PRKG1: variants seen among roughly 807,000 people sequenced by gnomAD.
The protein encoded by PRKG1 is cGMP-dependent protein kinase 1.
PRKG1 carries 35 observed loss-of-function variants against 88.1 expected under a neutral mutation model. The ratio of observed to expected loss-of-function variants is 0.40; its 90% CI spans 0.30 to 0.53. PRKG1 has a LOEUF of 0.53. Among genes scored for constraint, PRKG1 ranks in the 20% least tolerant of loss-of-function variants. The pLI is 0.59. For synonymous variants in PRKG1, 303 were observed against 292.5 expected, an observed-to-expected ratio of 1.04 and a Z score of -0.37; for missense variants, 540 against 839.8, an observed-to-expected ratio of 0.64 and a Z score of 4.41.
chr10:51,870,065 A>G (rs904829241), intron 4 of PRKG1, among the ~76,000 whole-genome samples: 11 of 152,150 alleles, frequency 7.2e-5, no homozygotes, highest in Non-Finnish European at 1.2e-4. Context: ...ACTTCCCCCA[A>G]CAAACTATTT....
At chr10:50,999,780 A>G (rs953704130) in intron 1 of PRKG1, among the ~76,000 whole-genome samples, 1 of 152,206 alleles carries the variant, frequency 6.6e-6, no homozygotes, top group Non-Finnish European at 1.5e-5. Flanking sequence ...CATGTATCAC[A>G]TGGTCACCAA....
chr10:52,064,659 C>T (rs1383813062), intron 7 of PRKG1, among the ~76,000 whole-genome samples: 7 of 152,214 alleles, frequency 4.6e-5, no homozygotes, highest in Non-Finnish European at 7.3e-5. Context: ...TGCCTCCTCC[C>T]AGCCCCAGGA....
chr10:51,682,534 T>G (rs952873568), intron 3 of PRKG1, among the ~76,000 whole-genome samples: 4 of 152,216 alleles, frequency 2.6e-5, no homozygotes, highest in Non-Finnish European at 5.9e-5. Context: ...TTCATGTGGC[T>G]CCTAGAGTTT....
At chr10:51,203,104 A>C (rs185811654) in intron 2 of PRKG1, among the ~76,000 whole-genome samples, 6 of 152,124 alleles carry the variant, frequency 3.9e-5, no homozygotes, top group Non-Finnish European at 7.4e-5. Flanking sequence ...GGAGAGAGAG[A>C]GAGAGAGAAC....
intron 3 of PRKG1, among the ~76,000 whole-genome samples, chr10:51,680,076 A>T (rs2132367442): frequency 6.6e-6 from 1 of 152,316 alleles, no homozygotes; most frequent in Admixed American, 6.5e-5. Context: ...CACAGGCCAC[A>T]CACGGGCCAC....
rs1418592959 is a variant in PRKG1, at chr10:52,171,663, AGAAT to A, written c.1076+9701_1076+9704del. 3.9e-4 allele frequency among the ~76,000 whole-genome samples: 60 copies of A among 152,242 alleles called. 1 individual carries two copies. In the East Asian group the frequency reaches 0.011, roughly 28 times the overall value. On this transcript the variant is annotated intron_variant, in intron 9 of 17. Coordinates refer to ENST00000373980, the MANE Select transcript of PRKG1 (RefSeq NM_006258.4). ...ACTTCAGCAGGATTTGTGACTGCAG[AGAAT>A]ATCAAAATCCAATGCTCTTTCAAGT...
chr10:51,715,034 A>G (rs562153438), intron 3 of PRKG1, among the ~76,000 whole-genome samples: 154 of 152,276 alleles, frequency 1.0e-3, no homozygotes, highest in South Asian at 1.9e-3. Flanking sequence ...ATGTGCATAT[A>G]TATATATGAG....
At chr10:51,601,757 T>C (rs1838612139) in intron 3 of PRKG1, among the ~76,000 whole-genome samples, 1 of 97,182 alleles carries the variant, frequency 1.0e-5, no homozygotes, top group African/African-American at 3.9e-5. Flanking sequence ...TTTTTTTTTT[T>C]TTTTTTTTTT....
chr10:51,400,472 C>G (rs956975327), intron 2 of PRKG1, among the ~76,000 whole-genome samples: 2 of 152,144 alleles, frequency 1.3e-5, no homozygotes, highest in Non-Finnish European at 2.9e-5. Flanking sequence ...TTCAAAGGCC[C>G]TGAAACAGGA....
chr10:51,208,161 A>G (rs1300569540), intron 2 of PRKG1, among the ~76,000 whole-genome samples: 1 of 152,232 alleles, frequency 6.6e-6, no homozygotes, highest in Non-Finnish European at 1.5e-5. Flanking sequence ...TAGAAGGTAC[A>G]GTCTTTGTCC....
chr10:52,259,410 G>A (rs1007063847), intron 10 of PRKG1, among the ~76,000 whole-genome samples: 2 of 151,964 alleles, frequency 1.3e-5, no homozygotes, highest in African/African-American at 4.8e-5. Context: ...TCTTAATTAT[G>A]TAGAAAATAG....
At chr10:51,621,195 A>T (rs1839203099) in intron 3 of PRKG1, among the ~76,000 whole-genome samples, 1 of 151,674 alleles carries the variant, frequency 6.6e-6, no homozygotes, top group South Asian at 2.1e-4. Context: ...CTTAAAGGGC[A>T]TTCAGCTATT....
At chr10:52,055,239 G>T (rs543466143) in intron 6 of PRKG1, among the ~76,000 whole-genome samples, 1 of 152,320 alleles carries the variant, frequency 6.6e-6, no homozygotes, top group East Asian at 1.9e-4. Flanking sequence ...AAATCAGATG[G>T]CCTAAATTTT....
intron 8 of PRKG1, among the ~76,000 whole-genome samples, chr10:52,160,752 C>A (rs1838255937): frequency 6.6e-6 from 1 of 152,036 alleles, no homozygotes. Context: ...TCACAACACA[C>A]AAACCATTTA....
chr10:51,793,088 T>C (rs1838911757), intron 3 of PRKG1, among the ~76,000 whole-genome samples: 1 of 129,664 alleles, frequency 7.7e-6, no homozygotes, highest in Non-Finnish European at 1.6e-5. Flanking sequence ...ATGTAAGAAC[T>C]GCCCAACAAA....
chr10:50,995,048 C>A (rs1278537756), intron 1 of PRKG1, among the ~76,000 whole-genome samples: 1 of 152,052 alleles, frequency 6.6e-6, no homozygotes, highest in Non-Finnish European at 1.5e-5. Flanking sequence ...GGTCCTGGAA[C>A]CAATCGCCCA....
intron 1 of PRKG1, among the ~76,000 whole-genome samples, chr10:51,006,933 G>C (rs141454779): frequency 8.2e-6 from 1 of 121,776 alleles, no homozygotes; most frequent in African/African-American, 3.3e-5. Context: ...GGAAGGGCCT[G>C]AGATTTTTTT....
At chr10:51,205,127 CTTTTTTTT>C (rs58176913) in intron 2 of PRKG1, among the ~76,000 whole-genome samples, 71 of 64,014 alleles carry the variant, frequency 1.1e-3, no homozygotes, top group African/African-American at 3.1e-3. Flanking sequence ...ATTTTCTTTT[CTTTTTTTT>C]TTTTTTTTTT....
At chr10:52,054,427 G>A in intron 5 of PRKG1, 57 bp from the exon 6 acceptor site, 1 of 1,283,232 alleles carries the variant, frequency 7.8e-7, no homozygotes, top group South Asian at 1.2e-5. Flanking sequence ...AAGAGGCTGA[G>A]CTGTTTGGTA....
Sources: allele counts gnomAD v4.1 joint callset (sites outside exome capture counted in the v4.1 genomes callset), GRCh38; gene constraint gnomAD v4.1.1; transcripts MANE v1.5; gene names NCBI Gene and HGNC (gene_info 2026-07-23, HGNC 2026-07-21).